The following MRPL39 variants were observed in gnomAD, a reference collection of about 807,000 sequenced individuals.
MRPL39 encodes the protein mitochondrial ribosomal protein L39.
Under a neutral mutation model 44.5 loss-of-function variants are expected in MRPL39, and 35 were observed. The ratio of observed to expected loss-of-function variants is 0.79; its 90% confidence interval spans 0.60 to 1.04. The LOEUF is 1.04. MRPL39 is among the 50% of genes least tolerant of loss of function. The pLI is 0.00. For synonymous variants in MRPL39, 139 were observed against 136.1 expected, an observed-to-expected ratio of 1.02 and a Z score of -0.15; for missense variants, 433 against 413.5, an observed-to-expected ratio of 1.05 and a Z score of -0.41.
chr21:25,604,023 G>A (rs1316840829), intron 2 of MRPL39, 88 bp from the exon 3 acceptor site: 16 of 1,227,954 alleles, frequency 1.3e-5, no homozygotes, highest in Non-Finnish European at 9.2e-6. Flanking sequence ...TATAACAATG[G>A]AAAGGCAAGA....
At chr21:25,599,713 T>C (rs2031466269) in intron 5 of MRPL39, 86 bp downstream of exon 5, 1 of 1,072,212 alleles carries the variant, frequency 9.3e-7, no homozygotes, top group Admixed American at 1.8e-5. Flanking sequence ...CAACATGCAG[T>C]ACCATTCAAC....
At position 25,601,372 on chromosome 21, in the gene MRPL39, A is replaced by G; in HGVS notation, c.516T>C (p.Val172=). The part of the protein sequence containing the change: ...YMVNLVRAPE[V]PVISGAFCYD... Reference sequence around the variant, plus strand: ...AGACATATATGTATACACTACCAGGAACTTCTGGAGCTCTGACCAAATTGA... The same window carrying G: ...AGACATATATGTATACACTACCAGGGACTTCTGGAGCTCTGACCAAATTGA... The change falls in exon 4 of 10, where the codon GTT becomes GTC. Residue 172 remains valine, a synonymous_variant. Transcript: ENST00000352957. 1 of 1,606,552 alleles carries G rather than the reference A, an allele frequency of 6.2e-7. No individual in the cohort carries two copies. Among genetic ancestry groups the G allele is most frequent in the Non-Finnish European group, 8.5e-7 (1 of 1,175,108 alleles).
chr21:25,594,587 T>C (rs2031296493), intron 6 of MRPL39, among the ~76,000 whole-genome samples: 1 of 152,106 alleles, frequency 6.6e-6, no homozygotes, highest in Admixed American at 6.6e-5. Context: ...CATTCCTTAC[T>C]GCTTGTTATT....
At chr21:25,601,928 A>G (rs2031536799) in intron 3 of MRPL39, among the ~76,000 whole-genome samples, 1 of 152,154 alleles carries the variant, frequency 6.6e-6, no homozygotes, top group South Asian at 2.1e-4. Context: ...CGTTCAGATT[A>G]CTCATATTTA....
chr21:25,589,801 G>A (rs1015226124), intron 8 of MRPL39, among the ~76,000 whole-genome samples: 2 of 129,860 alleles, frequency 1.5e-5, no homozygotes, highest in Admixed American at 7.8e-5. Flanking sequence ...GAGCTGACTG[G>A]TATGTTTAAA....
intron 8 of MRPL39, 126 bp from the exon 9 acceptor site, chr21:25,589,008 G>C: frequency 1.3e-6 from 1 of 779,642 alleles, no homozygotes; most frequent in Non-Finnish European, 2.0e-6. Context: ...TTAGATAAGT[G>C]GTTATAAAAG....
chr21:25,591,684 C>T (rs1474692017), intron 8 of MRPL39, among the ~76,000 whole-genome samples: 4 of 152,018 alleles, frequency 2.6e-5, no homozygotes, highest in East Asian at 3.9e-4. Context: ...GCATCAAATG[C>T]TAGTGAGGAT....
In MRPL39 at chr21:25,600,395, TAAAAA is replaced by T. The variant is rs35118180; in HGVS notation, c.521-534_521-530del. Reference sequence around the variant, plus strand: ...TTGGCAACACAGCGAGACTCCGTCTTAAAAAAAAAAAAAAAAAAAAAATTCCAAAA... The same window carrying T: ...TTGGCAACACAGCGAGACTCCGTCTTAAAAAAAAAAAAAAAAATTCCAAAA... On this transcript the variant is annotated intron_variant, in intron 4 of 9. Coordinates refer to ENST00000352957, the MANE Select transcript of MRPL39 (RefSeq NM_017446.4). 2.1e-3 allele frequency among the ~76,000 whole-genome samples: 168 copies of T among 78,566 alleles called. 1 individual carries two copies. The highest frequency in any genetic ancestry group is 7.6e-3 in the African/African-American group (161 of 21,290). 51.5% of individuals were successfully genotyped at this position (78,566 alleles called of 152,430 possible).
At chr21:25,593,538 A>T (rs2031248846) in intron 7 of MRPL39, among the ~76,000 whole-genome samples, 1 of 152,238 alleles carries the variant, frequency 6.6e-6, no homozygotes, top group African/African-American at 2.4e-5. Flanking sequence ...TATCTTAAGT[A>T]ATTACTAGTT....
chr21:25,588,215 G>A (rs1487172500), intron 9 of MRPL39, among the ~76,000 whole-genome samples: 3 of 152,118 alleles, frequency 2.0e-5, no homozygotes, highest in Non-Finnish European at 4.4e-5. Flanking sequence ...GGGAGGCTGA[G>A]GCACGAGAAT....
At chr21:25,601,502 A>C in intron 3 of MRPL39, 35 bp from the exon 4 acceptor site, 1 of 1,329,308 alleles carries the variant, frequency 7.5e-7, no homozygotes, top group East Asian at 2.6e-5. Flanking sequence ...AAATATATAT[A>C]AACACACTGA....
chr21:25,603,954 C>G lies in MRPL39; in HGVS notation c.281-19G>C. ...CTTAAATCTAGAAATTTAAAACAGA[C>G]TGATTATCTAACAAAATCCAGAGTG... is the stretch of plus-strand genomic sequence containing the variant. On this transcript the variant is annotated intron_variant, in intron 2 of 9. Coordinates refer to ENST00000352957, the MANE Select transcript of MRPL39 (RefSeq NM_017446.4). 1 of 1,595,114 alleles carries G rather than the reference C, an allele frequency of 6.3e-7. No homozygotes were observed. The highest frequency in any genetic ancestry group is 8.5e-7 in the Non-Finnish European group (1 of 1,173,818).
intron 9 of MRPL39, among the ~76,000 whole-genome samples, chr21:25,586,305 C>T (rs2030995138): frequency 6.6e-6 from 1 of 152,154 alleles, no homozygotes; most frequent in Non-Finnish European, 1.5e-5. Context: ...TTCAAGAATT[C>T]ACTCTCTTCT....
upstream of MRPL39, chr21:25,607,515 C>T (rs763578306): frequency 2.2e-5 from 35 of 1,599,046 alleles, no homozygotes; most frequent in East Asian, 6.7e-4. Flanking sequence ...CCTTCTCCGC[C>T]CTCCTCCCCC....
chr21:25,588,497 T>TTTA (rs1189661045), intron 9 of MRPL39, among the ~76,000 whole-genome samples: 2 of 152,220 alleles, frequency 1.3e-5, no homozygotes, highest in Non-Finnish European at 2.9e-5. Flanking sequence ...ATCCTCTAAA[T>TTTA]ATTCATTAAG....
intron 2 of MRPL39, among the ~76,000 whole-genome samples, chr21:25,605,764 T>C (rs1005503751): frequency 6.6e-6 from 1 of 151,970 alleles, no homozygotes; most frequent in African/African-American, 2.4e-5. Flanking sequence ...ATTAGCCAGG[T>C]GTGATGGTGG....
intron 9 of MRPL39, chr21:25,587,891 T>C (rs2031050878): frequency 1.2e-6 from 1 of 859,116 alleles, no homozygotes; most frequent in African/African-American, 1.7e-5. Context: ...TGTGGCATTG[T>C]GGGAAATTAG....
At chr21:25,589,005 A>C in intron 8 of MRPL39, 123 bp from the exon 9 acceptor site, 1 of 824,302 alleles carries the variant, frequency 1.2e-6, no homozygotes, top group Non-Finnish European at 1.9e-6. Context: ...AATTTAGATA[A>C]GTGGTTATAA....
At chr21:25,598,242 C>A (rs1299414513) in intron 5 of MRPL39, among the ~76,000 whole-genome samples, 1 of 88,186 alleles carries the variant, frequency 1.1e-5, no homozygotes, top group Non-Finnish European at 3.1e-5. Flanking sequence ...GTCTACTCAA[C>A]CCAACTCCAT....
Sources: gnomAD v4.1 joint callset for allele counts (sites outside exome capture counted in the v4.1 genomes callset) on GRCh38, gnomAD v4.1.1 for gene constraint, MANE v1.5 for transcripts, NCBI Gene and HGNC (gene_info 2026-07-23, HGNC 2026-07-21) for gene names.